The following GPRIN3 variants were observed in gnomAD, a reference collection of about 807,000 sequenced individuals.
GPRIN3 encodes GPRIN family member 3.
Under a neutral mutation model 13.7 loss-of-function variants are expected in GPRIN3, and 12 were observed. The observed-to-expected ratio is 0.87, with a 90% CI of 0.56 to 1.42. The LOEUF (loss-of-function observed/expected upper bound fraction) is 1.42, where lower values mean the gene tolerates loss of function less well. GPRIN3 is among the 40% of genes most tolerant of loss of function. The pLI is 0.00. For synonymous variants in GPRIN3, 377 were observed against 372.7 expected (o/e 1.01, Z -0.13); for missense variants, 1,009 against 958.7 (o/e 1.05, Z -0.69).
In GPRIN3 at chr4:89,248,386, T is replaced by C; in HGVS notation, c.1725A>G (p.Glu575=). The change falls in exon 2 of 2, where the codon GAA becomes GAG. Residue 575 remains glutamate (E), a synonymous_variant. Coordinates refer to ENST00000609438, the MANE Select transcript of GPRIN3 (RefSeq NM_198281.3). The stretch of plus-strand genomic sequence containing the variant: ...GGGAGGGTGTAGGATTAGCAGCTGA[T>C]TCTGTGCCTCCACTTTCTTGGGATT... ...NPKSQESGGT[E]SAANPTPSPI... is the part of the protein sequence containing the mutation. The C allele has an allele frequency of 6.2e-7, 1 of 1,614,156 alleles. No individual in the cohort carries two copies. Among genetic ancestry groups the C allele is most frequent in the South Asian group, 1.1e-5 (1 of 91,080 alleles).
chr4:89,253,032 A>C (rs1211462397), intron 1 of GPRIN3, among the ~76,000 whole-genome samples: 1 of 150,586 alleles, frequency 6.6e-6, no homozygotes, highest in African/African-American at 2.4e-5. Context: ...AAAAAAAAAA[A>C]CAACTCCTAC....
At position 89,244,229 on chromosome 4, in the gene GPRIN3, T is replaced by C. The variant is rs1723024240; in HGVS notation, c.*3551A>G. The C allele has an allele frequency of 6.6e-6, 1 of 152,182 alleles. No homozygotes were observed. Among genetic ancestry groups the C allele is most frequent in the African/African-American group, 2.4e-5 (1 of 41,452 alleles). 9.4% of individuals were successfully genotyped at this position (152,182 alleles called of 1,614,324 possible). On this transcript the variant is annotated 3_prime_UTR_variant, in exon 2 of 2. Coordinates refer to ENST00000609438, the MANE Select transcript of GPRIN3 (RefSeq NM_198281.3). The stretch of plus-strand genomic sequence containing the variant: ...CTACTTTAAGACAGCAAGCTCCTAT[T>C]ATGAATTTGGTTCTGAAATCCAACC...
At chr4:89,288,458 A>G (rs370280961) in intron 1 of GPRIN3, among the ~76,000 whole-genome samples, 2 of 152,314 alleles carry the variant, frequency 1.3e-5, no homozygotes, top group East Asian at 1.9e-4. Context: ...GTTTGCATAA[A>G]TGCAAACTTC....
chr4:89,252,712 T>G (rs955176832), intron 1 of GPRIN3, among the ~76,000 whole-genome samples: 1 of 152,188 alleles, frequency 6.6e-6, no homozygotes, highest in African/African-American at 2.4e-5. Context: ...CTAACTTCAT[T>G]CTTTATATGA....
At position 89,237,175 on chromosome 4, in the gene GPRIN3, T is replaced by C. The variant is rs143922574; in HGVS notation, c.*10605A>G. ...CACTTTCAGCTTCCATCCAGACAAT[T>C]TGAATTTCAACTATGTTAGACCTCT... On this transcript the variant is annotated 3_prime_UTR_variant, in exon 2 of 2. Coordinates refer to ENST00000609438, the MANE Select transcript of GPRIN3 (RefSeq NM_198281.3). 9 of 152,284 alleles carry C rather than the reference T, an allele frequency of 5.9e-5. No individual in the cohort carries two copies. Among genetic ancestry groups the C allele is most frequent in the East Asian group, 5.8e-4 (3 of 5,190 alleles). 9.4% of individuals were successfully genotyped at this position (152,284 alleles called of 1,614,324 possible).
chr4:89,296,651 TTGTG>T (rs369210221), intron 1 of GPRIN3, among the ~76,000 whole-genome samples: 15 of 151,736 alleles, frequency 9.9e-5, no homozygotes, highest in African/African-American at 1.7e-4. Flanking sequence ...TTTTTCTTGT[TTGTG>T]TGTGTGTGTG....
At chr4:89,285,635 C>T (rs1362358655) in intron 1 of GPRIN3, among the ~76,000 whole-genome samples, 2 of 152,210 alleles carry the variant, frequency 1.3e-5, no homozygotes, top group Non-Finnish European at 2.9e-5. Flanking sequence ...TCTCAACTTC[C>T]TGTTCTGTCA....
intron 1 of GPRIN3, among the ~76,000 whole-genome samples, chr4:89,293,221 C>T (rs955642635): frequency 6.6e-6 from 1 of 152,186 alleles, no homozygotes; most frequent in African/African-American, 2.4e-5. Flanking sequence ...AAGGGACTTC[C>T]TGCAGAAATG....
chr4:89,275,024 C>T (rs2149274219), intron 1 of GPRIN3, among the ~76,000 whole-genome samples: 1 of 152,266 alleles, frequency 6.6e-6, no homozygotes, highest in East Asian at 1.9e-4. Context: ...AATATGAACA[C>T]TGAGGCAGGA....
At chr4:89,301,821 T>TCCAGC (rs1724905592) in intron 1 of GPRIN3, among the ~76,000 whole-genome samples, 1 of 152,184 alleles carries the variant, frequency 6.6e-6, no homozygotes, top group South Asian at 2.1e-4. Flanking sequence ...ATCTCCGTCC[T>TCCAGC]CCAGCTGTCC....
intron 1 of GPRIN3, among the ~76,000 whole-genome samples, chr4:89,271,640 G>A (rs1206764325): frequency 6.6e-6 from 1 of 151,952 alleles, no homozygotes; most frequent in Non-Finnish European, 1.5e-5. Context: ...TCCATGGTTG[G>A]AGGAATCCAT....
chr4:89,307,299 C>CACA (rs1237845153), intron 1 of GPRIN3, among the ~76,000 whole-genome samples: 21 of 139,892 alleles, frequency 1.5e-4, no homozygotes, highest in African/African-American at 6.1e-4. Flanking sequence ...ACACACACAC[C>CACA]CCTCATATTC....
At chr4:89,256,992 AC>A (rs925510706) in intron 1 of GPRIN3, among the ~76,000 whole-genome samples, 11 of 152,354 alleles carry the variant, frequency 7.2e-5, no homozygotes, top group Non-Finnish European at 1.6e-4. Context: ...GGAAACAGCC[AC>A]AGGCTGGGAA....
intron 1 of GPRIN3, among the ~76,000 whole-genome samples, chr4:89,302,839 G>A (rs1289579288): frequency 6.6e-6 from 1 of 152,054 alleles, no homozygotes; most frequent in African/African-American, 2.4e-5. Flanking sequence ...ATATGGATAA[G>A]AAAGAGGTCC....
At chr4:89,290,096 G>A (rs1724531897) in intron 1 of GPRIN3, among the ~76,000 whole-genome samples, 1 of 151,336 alleles carries the variant, frequency 6.6e-6, no homozygotes, top group South Asian at 2.1e-4. Context: ...GCGACAGAGT[G>A]AGAGACCTGG....
intron 1 of GPRIN3, among the ~76,000 whole-genome samples, chr4:89,268,530 C>T (rs1349311148): frequency 1.3e-5 from 2 of 152,112 alleles, no homozygotes; most frequent in South Asian, 2.1e-4. Flanking sequence ...CCTCTGCTAC[C>T]CCTCCCAAAT....
chr4:89,297,745 C>T (rs1390088039), intron 1 of GPRIN3, among the ~76,000 whole-genome samples: 2 of 152,156 alleles, frequency 1.3e-5, no homozygotes, highest in Non-Finnish European at 2.9e-5. Context: ...GGATATTTCA[C>T]AGAGCAGCTA....
At position 89,307,625 on chromosome 4, in the gene GPRIN3, C is replaced by A. The variant is rs1041756241; in HGVS notation, c.-134G>T. 2 of 152,256 alleles carry A rather than the reference C, an allele frequency of 1.3e-5. No homozygotes were observed. The highest frequency in any genetic ancestry group is 2.9e-5 in the Non-Finnish European group (2 of 68,128). The allele number at this position is 152,256 out of a possible 1,614,324, so 9.4% of individuals were successfully genotyped here. ...GGGGGCGTCTCCTACCTGCTCTGCC[C>A]GGCTCCGCGGCGCGGCGGGGCCACT... On this transcript the variant is annotated 5_prime_UTR_variant, in exon 1 of 2. Coordinates refer to ENST00000609438, the MANE Select transcript of GPRIN3 (RefSeq NM_198281.3).
chr4:89,306,242 T>C (rs1725029957), intron 1 of GPRIN3, among the ~76,000 whole-genome samples: 1 of 152,140 alleles, frequency 6.6e-6, no homozygotes, highest in Non-Finnish European at 1.5e-5. Flanking sequence ...TTCCCACAAT[T>C]GTTACTCAGG....
Sources: allele counts gnomAD v4.1 joint callset (sites outside exome capture counted in the v4.1 genomes callset), GRCh38; gene constraint gnomAD v4.1.1; transcripts MANE v1.5; gene names NCBI Gene and HGNC (gene_info 2026-07-23, HGNC 2026-07-21).